The following ADAMTSL3 variants were observed in gnomAD, a reference collection of about 807,000 sequenced individuals.
ADAMTSL3 encodes ADAMTS like 3.
ADAMTSL3 carries 128 observed loss-of-function variants against 201.7 expected under a neutral mutation model. That is an observed-to-expected ratio of 0.63 (90% CI 0.55 to 0.73). The LOEUF (loss-of-function observed/expected upper bound fraction) is 0.73, where lower values mean the gene tolerates loss of function less well. Ranked by LOEUF, ADAMTSL3 falls within the 30% of genes least tolerant of loss-of-function variation. ADAMTSL3 has a pLI of 0.00. For synonymous variants in ADAMTSL3, 738 were observed against 748.4 expected (o/e 0.99, Z 0.23); for missense variants, 1,990 against 2,119.6 (o/e 0.94, Z 1.20).
chr15:83,810,339 G>A (rs1480042239), intron 5 of ADAMTSL3, among the ~76,000 whole-genome samples: 10 of 151,766 alleles, frequency 6.6e-5, no homozygotes, highest in Non-Finnish European at 1.3e-4. Flanking sequence ...ATGTAGGAGG[G>A]AGAGAGAGAG....
intron 8 of ADAMTSL3, among the ~76,000 whole-genome samples, chr15:83,867,027 A>G (rs1312151269): frequency 6.6e-6 from 1 of 152,234 alleles, no homozygotes; most frequent in Non-Finnish European, 1.5e-5. Flanking sequence ...CTAAGGACTT[A>G]GTTAACATTT....
chr15:83,877,934 A>G (rs539746949), intron 9 of ADAMTSL3, among the ~76,000 whole-genome samples: 2 of 152,232 alleles, frequency 1.3e-5, no homozygotes, highest in South Asian at 4.1e-4. Flanking sequence ...TACTATATTC[A>G]TGTATTAATA....
At chr15:83,835,317 G>A (rs1279613787) in intron 6 of ADAMTSL3, among the ~76,000 whole-genome samples, 2 of 151,822 alleles carry the variant, frequency 1.3e-5, no homozygotes, top group African/African-American at 4.8e-5. Flanking sequence ...AATTTCAAAG[G>A]CATTTCTGGC....
intron 21 of ADAMTSL3, among the ~76,000 whole-genome samples, chr15:83,986,131 GTAT>G (rs2067470679): frequency 6.6e-6 from 1 of 152,100 alleles, no homozygotes; most frequent in South Asian, 2.1e-4. Context: ...TAATGGCTTC[GTAT>G]TATTATAAAA....
At chr15:83,921,907 GT>G (rs2066152834) in intron 16 of ADAMTSL3, among the ~76,000 whole-genome samples, 1 of 149,300 alleles carries the variant, frequency 6.7e-6, no homozygotes, top group African/African-American at 2.5e-5. Context: ...AGCTATATAG[GT>G]TTTTCTTTTT....
intron 2 of ADAMTSL3, among the ~76,000 whole-genome samples, chr15:83,659,816 G>A (rs2061138704): frequency 6.6e-6 from 1 of 152,188 alleles, no homozygotes; most frequent in South Asian, 2.1e-4. Context: ...GGAAGCCAGA[G>A]ACTGGGAGAA....
chr15:83,822,216 G>A (rs1178173028), intron 6 of ADAMTSL3, among the ~76,000 whole-genome samples: 1 of 150,250 alleles, frequency 6.7e-6, no homozygotes, highest in Non-Finnish European at 1.5e-5. Context: ...CTGCCGGGCG[G>A]AGACGCTCCT....
At chr15:83,826,174 CAGCTCACTGT>C (rs1174246952) in intron 6 of ADAMTSL3, among the ~76,000 whole-genome samples, 1 of 152,074 alleles carries the variant, frequency 6.6e-6, no homozygotes, top group African/African-American at 2.4e-5. Context: ...GGTGTGGTTA[CAGCTCACTGT>C]AGCCTTGGGC....
At chr15:83,929,445 T>C (rs1330309372) in intron 17 of ADAMTSL3, among the ~76,000 whole-genome samples, 1 of 152,188 alleles carries the variant, frequency 6.6e-6, no homozygotes, top group Non-Finnish European at 1.5e-5. Context: ...TCTGTGTCTT[T>C]GTGTCCACAC....
intron 3 of ADAMTSL3, among the ~76,000 whole-genome samples, chr15:83,760,796 G>C (rs2141702746): frequency 6.6e-6 from 1 of 151,732 alleles, no homozygotes; most frequent in South Asian, 2.1e-4. Flanking sequence ...ATTTATTTTG[G>C]TTAGTAGGCT....
rs139878566 is a variant in ADAMTSL3 at position 83,685,451 on chromosome 15, G to C, written c.70-18938G>C. 2.8e-3 allele frequency among the ~76,000 whole-genome samples: 428 copies of C among 152,272 alleles called. 2 individuals are homozygous for C. The highest frequency in any genetic ancestry group is 9.7e-3 in the African/African-American group (404 of 41,552). On this transcript the variant is annotated intron_variant, in intron 2 of 29. Transcript: ENST00000286744. ...TGTCAGATGTTCAGAAATATTTGTT[G>C]AATCAGTGAATGGAAGGATGATTAC...
Position 83,890,200 on chromosome 15 carries a change from A to G in ADAMTSL3, c.1164A>G (p.Lys388=). Residue 388 remains lysine, a synonymous_variant, in exon 11 of 30, where the codon AAA becomes AAG. Transcript: ENST00000286744. ...GTCACTACTACCCTGAAAATGTAAA[A>G]CCAAAACCAAAACTGAAGGAATGCA... ...HYCHYYPENV[K]PKPKLKECSM... is the part of the protein sequence containing the mutation. 6.2e-7 allele frequency: 1 copy of G among 1,614,048 alleles called. No homozygotes were observed. The highest frequency in any genetic ancestry group is 8.5e-7 in the Non-Finnish European group (1 of 1,179,922).
At chr15:83,779,010 A>G (rs1018975180) in intron 4 of ADAMTSL3, among the ~76,000 whole-genome samples, 3 of 152,184 alleles carry the variant, frequency 2.0e-5, no homozygotes, top group African/African-American at 2.4e-5. Flanking sequence ...AAAAATTTAA[A>G]AAGACGAAGG....
intron 3 of ADAMTSL3, among the ~76,000 whole-genome samples, chr15:83,722,420 G>A (rs1048942984): frequency 2.6e-5 from 4 of 152,200 alleles, no homozygotes; most frequent in Non-Finnish European, 4.4e-5. Context: ...ATATGTGTCA[G>A]TTGTAAGATG....
intron 13 of ADAMTSL3, among the ~76,000 whole-genome samples, chr15:83,895,119 A>C (rs2065585981): frequency 6.6e-6 from 1 of 152,188 alleles, no homozygotes; most frequent in Non-Finnish European, 1.5e-5. Context: ...TTATTTTAGC[A>C]AGGTCGGTTT....
chr15:83,963,095 T>A (rs1188136525), intron 19 of ADAMTSL3, among the ~76,000 whole-genome samples: 2 of 152,128 alleles, frequency 1.3e-5, no homozygotes, highest in African/African-American at 4.8e-5. Context: ...GGACAGCCAT[T>A]TGGGCAGACA....
chr15:83,737,026 T>G (rs1376616125), intron 3 of ADAMTSL3, among the ~76,000 whole-genome samples: 3 of 152,174 alleles, frequency 2.0e-5, no homozygotes, highest in Non-Finnish European at 4.4e-5. Context: ...TTTTAAAGTA[T>G]AGCTAATTAC....
At chr15:83,892,565 C>A in intron 12 of ADAMTSL3, 119 bp from the exon 13 acceptor site, 1 of 956,574 alleles carries the variant, frequency 1.0e-6, no homozygotes, top group Non-Finnish European at 1.6e-6. Context: ...GACTCCCAGT[C>A]CCAGGCTCAT....
intron 3 of ADAMTSL3, among the ~76,000 whole-genome samples, chr15:83,717,167 C>T (rs913178003): frequency 1.3e-5 from 2 of 152,160 alleles, no homozygotes; most frequent in Non-Finnish European, 2.9e-5. Flanking sequence ...AAGGAGTAGT[C>T]ATTCATTCCA....
Sources: gnomAD v4.1 joint callset for allele counts (sites outside exome capture counted in the v4.1 genomes callset) on GRCh38, gnomAD v4.1.1 for gene constraint, MANE v1.5 for transcripts, NCBI Gene and HGNC (gene_info 2026-07-23, HGNC 2026-07-21) for gene names.